CALN1: variants seen among roughly 807,000 people sequenced by gnomAD.
CALN1 encodes the protein calneuron 1.
CALN1 carries 17 observed loss-of-function variants against 30.6 expected under a neutral mutation model. The observed-to-expected ratio is 0.56, with a 90% confidence interval of 0.38 to 0.83. The LOEUF (loss-of-function observed/expected upper bound fraction) is 0.83. Among genes scored for constraint, CALN1 ranks in the 40% least tolerant of loss-of-function variants. The pLI is 0.00. For synonymous variants in CALN1, 156 were observed against 131.4 expected (o/e 1.19, Z -1.28); for missense variants, 291 against 354.9 (o/e 0.82, Z 1.45).
intron 3 of CALN1, among the ~76,000 whole-genome samples, chr7:72,177,114 T>C (rs1418516384): frequency 6.6e-6 from 1 of 152,174 alleles, no homozygotes; most frequent in Admixed American, 6.5e-5. Context: ...TTAAAAGTGA[T>C]GACAAACCAG....
At chr7:72,278,132 C>T (rs898957425) in intron 3 of CALN1, among the ~76,000 whole-genome samples, 2 of 151,998 alleles carry the variant, frequency 1.3e-5, no homozygotes, top group Non-Finnish European at 2.9e-5. Context: ...TCCCTAACCC[C>T]TGCCTTGAGC....
At chr7:72,075,443 C>G (rs1331673053) in intron 4 of CALN1, among the ~76,000 whole-genome samples, 1 of 152,202 alleles carries the variant, frequency 6.6e-6, no homozygotes. Context: ...TCAGCTGAAA[C>G]AAAGTCTCTA....
chr7:72,127,185 G>A (rs58132823), intron 3 of CALN1, among the ~76,000 whole-genome samples: 1,853 of 152,022 alleles, frequency 0.012, 31 homozygotes, highest in African/African-American at 0.04. Context: ...CTTGAGGTAA[G>A]GGTGGTAGCC....
intron 2 of CALN1, among the ~76,000 whole-genome samples, chr7:72,396,006 GA>G (rs1805913471): frequency 6.6e-6 from 1 of 151,856 alleles, no homozygotes; most frequent in Non-Finnish European, 1.5e-5. Flanking sequence ...GCCATTGCTT[GA>G]CATCGCTCCT....
intron 4 of CALN1, among the ~76,000 whole-genome samples, chr7:72,080,404 G>A (rs985271394): frequency 3.3e-5 from 5 of 152,182 alleles, no homozygotes; most frequent in African/African-American, 1.2e-4. Flanking sequence ...ACTGCGTGCA[G>A]GCAGAACAGA....
intron 3 of CALN1, among the ~76,000 whole-genome samples, chr7:72,163,406 A>AC (rs1322032455): frequency 2.0e-5 from 3 of 151,246 alleles, no homozygotes; most frequent in African/African-American, 7.3e-5. Context: ...AAAAAAAAAA[A>AC]AAAACAGAAA....
At chr7:71,818,465 G>A (rs1788394052) in intron 5 of CALN1, among the ~76,000 whole-genome samples, 2 of 151,970 alleles carry the variant, frequency 1.3e-5, no homozygotes, top group Admixed American at 6.6e-5. Flanking sequence ...TATGGGTGGG[G>A]CACTAGTCAG....
At chr7:71,966,056 A>C (rs879695259) in intron 5 of CALN1, among the ~76,000 whole-genome samples, 2 of 152,146 alleles carry the variant, frequency 1.3e-5, no homozygotes, top group Non-Finnish European at 2.9e-5. Context: ...CAGCTGAGAC[A>C]ATTTCTATTT....
intron 2 of CALN1, among the ~76,000 whole-genome samples, chr7:72,338,496 T>A (rs891706024): frequency 4.9e-5 from 7 of 143,428 alleles, no homozygotes; most frequent in East Asian, 4.0e-4. Context: ...TGTGTGTGTG[T>A]GTGTGTGTGT....
chr7:72,081,110 G>C (rs1217764201), intron 4 of CALN1, among the ~76,000 whole-genome samples: 1 of 152,144 alleles, frequency 6.6e-6, no homozygotes, highest in Non-Finnish European at 1.5e-5. Flanking sequence ...TTTAAGGACT[G>C]ATGTACAGCA....
At chr7:72,454,645 G>A in the CALN1 span, among the ~76,000 whole-genome samples, 1 of 152,126 alleles carries the variant, frequency 6.6e-6, no homozygotes. Context: ...GAGCAAAAAT[G>A]TGGGGAGAGG....
intron 1 of CALN1, among the ~76,000 whole-genome samples, chr7:72,438,117 G>C (rs60156479): frequency 0.1 from 14,831 of 148,810 alleles, 918 homozygotes; most frequent in African/African-American, 0.17. Context: ...GGTTCTATAG[G>C]CATGCGCCAC....
chr7:71,882,073 A>G (rs1212281651), intron 5 of CALN1, among the ~76,000 whole-genome samples: 1 of 152,098 alleles, frequency 6.6e-6, no homozygotes, highest in Non-Finnish European at 1.5e-5. Context: ...TCTCTTAAAA[A>G]AAAAATTGGA....
At chr7:71,894,960 T>C (rs1793455812) in intron 5 of CALN1, among the ~76,000 whole-genome samples, 1 of 152,120 alleles carries the variant, frequency 6.6e-6, no homozygotes, top group Non-Finnish European at 1.5e-5. Context: ...TTGAATTTCA[T>C]TTTCTTTTTT....
At chr7:72,396,076 A>C (rs1415141502) in intron 2 of CALN1, among the ~76,000 whole-genome samples, 1 of 151,786 alleles carries the variant, frequency 6.6e-6, no homozygotes, top group African/African-American at 2.4e-5. Context: ...TGATGGGAGC[A>C]GAGGCTACAT....
intron 5 of CALN1, among the ~76,000 whole-genome samples, chr7:71,845,630 C>T (rs1268307069): frequency 6.6e-6 from 1 of 152,312 alleles, no homozygotes; most frequent in South Asian, 2.1e-4. Context: ...ATCAGCATGG[C>T]TGGGGAACTT....
intron 5 of CALN1, among the ~76,000 whole-genome samples, chr7:71,989,899 A>G (rs947649778): frequency 1.3e-5 from 2 of 152,178 alleles, no homozygotes; most frequent in African/African-American, 4.8e-5. Context: ...TTCAAGAAAG[A>G]CAGAAGAAGA....
chr7:71,810,581 C>G (rs1784280054), intron 5 of CALN1, 89 bp from the exon 6 acceptor site: 1 of 1,330,048 alleles, frequency 7.5e-7, no homozygotes, highest in Non-Finnish European at 1.0e-6. Context: ...CACAGCTGCT[C>G]TGCAGAAACT....
chr7:71,785,055 C>G lies in CALN1; in HGVS notation c.*2720G>C. 2.5e-6 allele frequency: 1 copy of G among 394,364 alleles called. No individual in the cohort carries two copies. Among genetic ancestry groups the G allele is most frequent in the Admixed American group, 4.4e-5 (1 of 22,604 alleles). The allele number at this position is 394,364 out of a possible 1,614,324, so 24.4% of individuals were successfully genotyped here. On this transcript the variant is annotated 3_prime_UTR_variant, in exon 7 of 7. Transcript: ENST00000395275. ...TGAGCTCCTGAAGTCTAAGGAATGCCGCTAGCTCAGGGCCGTCTCCACGCA... is the reference window on the plus strand; with the variant it reads ...TGAGCTCCTGAAGTCTAAGGAATGCGGCTAGCTCAGGGCCGTCTCCACGCA...
Sources: allele counts gnomAD v4.1 joint callset (sites outside exome capture counted in the v4.1 genomes callset), GRCh38; gene constraint gnomAD v4.1.1; transcripts MANE v1.5; gene names NCBI Gene and HGNC (gene_info 2026-07-23, HGNC 2026-07-21).